The following RPH3AL variants were observed in gnomAD, a reference collection of about 807,000 sequenced individuals.
RPH3AL encodes the protein rab effector Noc2.
In RPH3AL, 38 loss-of-function variants were observed where a neutral mutation model predicts 43.1. The observed-to-expected ratio is 0.88, with a 90% CI of 0.68 to 1.15. The LOEUF is 1.15. Among genes scored for constraint, RPH3AL ranks in the 50% most tolerant of loss-of-function variants. The pLI is 0.00. For synonymous variants in RPH3AL, 189 were observed against 176.3 expected, an observed-to-expected ratio of 1.07 and a Z score of -0.57; for missense variants, 462 against 423.2, an observed-to-expected ratio of 1.09 and a Z score of -0.81.
At chr17:301,183 G>A (rs1041406088) in intron 5 of RPH3AL, among the ~76,000 whole-genome samples, 1 of 152,384 alleles carries the variant, frequency 6.6e-6, no homozygotes, top group African/African-American at 2.4e-5. Flanking sequence ...GCACGTAGCC[G>A]TCGGCCACCT....
At position 246,367 on chromosome 17, in the gene RPH3AL, T is replaced by C. The variant is rs57953101; in HGVS notation, c.613+744A>G. ...GCACTTCAGAGCAAAAGGACCCAGATGCCAGAGAGGGTAAGAGCCTGCCCT... is the reference window on the plus strand; with the variant it reads ...GCACTTCAGAGCAAAAGGACCCAGACGCCAGAGAGGGTAAGAGCCTGCCCT... On this transcript the variant is annotated intron_variant, in intron 7 of 9. Transcript: ENST00000331302. The surrounding 1 kb of genome is among the most constrained non-coding windows in gnomAD (Gnocchi z 4.8). 0.11 allele frequency among the ~76,000 whole-genome samples: 17,432 copies of C among 152,096 alleles called. 1,060 individuals are homozygous for C. The highest frequency in any genetic ancestry group is 0.14 in the African/African-American group (5,753 of 41,482).
chr17:247,930 G>A (rs12948758), intron 6 of RPH3AL, among the ~76,000 whole-genome samples: 16,800 of 152,068 alleles, frequency 0.11, 1,166 homozygotes, highest in Non-Finnish European at 0.15. Flanking sequence ...CTGACCTCCC[G>A]GGCACCTTCT....
intron 5 of RPH3AL, among the ~76,000 whole-genome samples, chr17:316,774 C>T (rs981764742): frequency 8.1e-6 from 1 of 122,922 alleles, no homozygotes; most frequent in Admixed American, 7.6e-5. Flanking sequence ...CCTGAAGTCC[C>T]TGTGCCCCCA....
chr17:348,568 C>A (rs2045290863), intron 1 of RPH3AL, among the ~76,000 whole-genome samples: 1 of 149,996 alleles, frequency 6.7e-6, no homozygotes, highest in Admixed American at 6.6e-5. Context: ...CTACCAAATG[C>A]AATGAAAAAA....
chr17:213,965 G>A (rs1401862498), intron 9 of RPH3AL, 42 bp from the exon 10 acceptor site: 2 of 1,488,174 alleles, frequency 1.3e-6, no homozygotes, highest in East Asian at 2.3e-5. Flanking sequence ...GAGCAGCGGT[G>A]GAGTCCCTCC....
At chr17:262,408 GT>G (rs1268503255) in intron 6 of RPH3AL, among the ~76,000 whole-genome samples, 3 of 152,148 alleles carry the variant, frequency 2.0e-5, no homozygotes, top group Non-Finnish European at 2.9e-5. Context: ...TAGAGACGGG[GT>G]TTCACCATGT....
At chr17:329,565 T>C (rs1370248739) in intron 2 of RPH3AL, among the ~76,000 whole-genome samples, 1 of 152,220 alleles carries the variant, frequency 6.6e-6, no homozygotes, top group Non-Finnish European at 1.5e-5. Flanking sequence ...AAATTAAAAC[T>C]GAGAAAATCT....
chr17:349,891 G>T (rs1458354570), intron 1 of RPH3AL, among the ~76,000 whole-genome samples: 1 of 152,038 alleles, frequency 6.6e-6, no homozygotes, highest in South Asian at 2.1e-4. Flanking sequence ...CCCATCGAGG[G>T]CCATCAGCAC....
At chr17:314,964 T>C (rs796380667) in intron 5 of RPH3AL, among the ~76,000 whole-genome samples, 51 of 18,312 alleles carry the variant, frequency 2.8e-3, no homozygotes, top group East Asian at 0.013. Flanking sequence ...TCCACCTCCA[T>C]TGACCAGTAG....
At chr17:293,490 G>A (rs2043095261) in intron 5 of RPH3AL, among the ~76,000 whole-genome samples, 1 of 151,702 alleles carries the variant, frequency 6.6e-6, no homozygotes, top group Non-Finnish European at 1.5e-5. Context: ...CGGGGGTGGG[G>A]CAGCGGGGTC....
intron 2 of RPH3AL, chr17:331,880 T>C: frequency 7.8e-7 from 1 of 1,288,954 alleles, no homozygotes; most frequent in Non-Finnish European, 1.0e-6. Flanking sequence ...TGACCATTTG[T>C]CCTGGACAAA....
chr17:258,004 C>T (rs1431358363), intron 6 of RPH3AL, among the ~76,000 whole-genome samples: 1 of 151,602 alleles, frequency 6.6e-6, no homozygotes, highest in African/African-American at 2.4e-5. Flanking sequence ...AGCCGCACGG[C>T]ATCTGTCCTT....
In RPH3AL at chr17:225,228, G is replaced by T. The variant is rs570647616; in HGVS notation, c.614-5492C>A. Among the ~76,000 whole-genome samples the T allele has an allele frequency of 6.6e-6, 1 of 152,160 alleles. No homozygotes were observed. The highest frequency in any genetic ancestry group is 2.1e-4 in the South Asian group (1 of 4,804). On this transcript the variant is annotated intron_variant, in intron 7 of 9. Coordinates refer to ENST00000331302, the MANE Select transcript of RPH3AL (RefSeq NM_006987.4). The surrounding 1 kb of genome is among the most constrained non-coding windows in gnomAD (Gnocchi z 4.4). ...TGCTCCCCAGGAAGAGTTCTACTCCGGCTCCTTGGACTTTTATGATGCCGC... is the reference window on the plus strand; with the variant it reads ...TGCTCCCCAGGAAGAGTTCTACTCCTGCTCCTTGGACTTTTATGATGCCGC...
At chr17:279,096 C>T (rs543173896) in intron 6 of RPH3AL, among the ~76,000 whole-genome samples, 5 of 152,226 alleles carry the variant, frequency 3.3e-5, no homozygotes, top group Admixed American at 2.6e-4. Flanking sequence ...TCCAAATTTT[C>T]ATCACAGACT....
At chr17:282,839 G>T (rs1251182957) in intron 5 of RPH3AL, among the ~76,000 whole-genome samples, 1 of 152,216 alleles carries the variant, frequency 6.6e-6, no homozygotes, top group Admixed American at 6.5e-5. Flanking sequence ...TGACACAGCG[G>T]AAAGTATTCC....
chr17:262,563 G>A (rs1000364910), intron 6 of RPH3AL, among the ~76,000 whole-genome samples: 8 of 151,832 alleles, frequency 5.3e-5, no homozygotes, highest in Non-Finnish European at 7.4e-5. Context: ...AGCGGCTCAC[G>A]CTCATAATCC....
In RPH3AL at chr17:328,149, G is replaced by A. The variant is rs1193397852; in HGVS notation, c.-36-570C>T. On this transcript the variant is annotated intron_variant, in intron 2 of 9. Coordinates refer to ENST00000331302, the MANE Select transcript of RPH3AL (RefSeq NM_006987.4). The surrounding 1 kb of genome is among the most constrained non-coding windows in gnomAD (Gnocchi z 4.2). ...GGATTGCCACCCAGCACCATGCCAAGGGGAGCCGTCCATAGACACTGCCAT... is the reference window on the plus strand; with the variant it reads ...GGATTGCCACCCAGCACCATGCCAAAGGGAGCCGTCCATAGACACTGCCAT... Among the ~76,000 whole-genome samples the A allele has an allele frequency of 2.0e-5, 3 of 152,196 alleles. No individual in the cohort carries two copies. Among genetic ancestry groups the A allele is most frequent in the Non-Finnish European group, 2.9e-5 (2 of 67,984 alleles).
intron 6 of RPH3AL, among the ~76,000 whole-genome samples, chr17:280,815 C>G (rs4985587): frequency 0.33 from 50,707 of 151,952 alleles, 9,328 homozygotes; most frequent in East Asian, 0.71. Flanking sequence ...TGAAATGTAT[C>G]CAGCGGGATT....
chr17:302,018 C>CAG (rs1381844079), intron 5 of RPH3AL, among the ~76,000 whole-genome samples: 3 of 152,242 alleles, frequency 2.0e-5, no homozygotes, highest in Non-Finnish European at 4.4e-5. Context: ...TCAGAGGGCA[C>CAG]AGACTCACTA....
Sources: gnomAD v4.1 joint callset for allele counts (sites outside exome capture counted in the v4.1 genomes callset) on GRCh38, gnomAD v4.1.1 for gene constraint, Gnocchi (gnomAD v3.1) non-coding constraint, MANE v1.5 for transcripts, NCBI Gene and HGNC (gene_info 2026-07-23, HGNC 2026-07-21) for gene names.